CEP128: variants seen among roughly 807,000 people sequenced by gnomAD.
CEP128 encodes the protein centrosomal protein 128kDa.
CEP128 carries 132 observed loss-of-function variants against 156.7 expected under a neutral mutation model. That is an observed-to-expected ratio of 0.84 (90% confidence interval 0.73 to 0.97). The LOEUF is 0.97. Among genes scored for constraint, CEP128 ranks in the 50% least tolerant of loss-of-function variants. The probability of loss-of-function intolerance (pLI) is 0.00; values close to 1 mark genes in which losing one functional copy is unlikely to be tolerated. For missense variants in CEP128, 1,252 were observed against 1,281.9 expected, an observed-to-expected ratio of 0.98 and a Z score of 0.36; for synonymous variants, 469 against 448.9, an observed-to-expected ratio of 1.04 and a Z score of -0.57.
chr14:80,923,389 T>A (rs1004933130), intron 2 of CEP128, among the ~76,000 whole-genome samples: 1 of 152,230 alleles, frequency 6.6e-6, no homozygotes, highest in Non-Finnish European at 1.5e-5. Flanking sequence ...CCTCTTTTGT[T>A]ATTTGACCTA....
intron 8 of CEP128, chr14:80,894,827 C>T (rs985361821): frequency 2.0e-4 from 55 of 271,210 alleles, no homozygotes; most frequent in Non-Finnish European, 3.7e-4. Flanking sequence ...TCTCCTAGCA[C>T]ATTCAGCCAA....
chr14:80,806,693 C>G (rs1022016264), intron 13 of CEP128, among the ~76,000 whole-genome samples: 1 of 152,098 alleles, frequency 6.6e-6, no homozygotes, highest in Non-Finnish European at 1.5e-5. Context: ...TATACATTTG[C>G]TATGAAATGC....
At chr14:80,874,470 CAA>C (rs201809950) in intron 8 of CEP128, among the ~76,000 whole-genome samples, 1 of 129,198 alleles carries the variant, frequency 7.7e-6, no homozygotes. Context: ...TCTCTGTCTC[CAA>C]AAAAAAAAAG....
chr14:80,861,361 GAAT>G (rs1488077559), intron 9 of CEP128, among the ~76,000 whole-genome samples: 1 of 151,948 alleles, frequency 6.6e-6, no homozygotes, highest in African/African-American at 2.4e-5. Context: ...AATTTTAAGA[GAAT>G]AATTGTAACT....
intron 19 of CEP128, among the ~76,000 whole-genome samples, chr14:80,739,145 A>G (rs1230721133): frequency 6.6e-6 from 1 of 152,202 alleles, no homozygotes; most frequent in Non-Finnish European, 1.5e-5. Flanking sequence ...TTGAGCATAT[A>G]CAAGGGATAG....
chr14:80,743,541 A>G (rs1427300638), intron 18 of CEP128, among the ~76,000 whole-genome samples: 1 of 152,186 alleles, frequency 6.6e-6, no homozygotes, highest in Non-Finnish European at 1.5e-5. Flanking sequence ...TTTCAATAAT[A>G]TTATGGGTAA....
chr14:80,554,662 A>G (rs1017155055), intron 21 of CEP128, among the ~76,000 whole-genome samples: 1 of 152,036 alleles, frequency 6.6e-6, no homozygotes, highest in Admixed American at 6.6e-5. Context: ...ACACTTTGTT[A>G]TGTGGTTAAA....
chr14:80,487,760 C>A (rs1158604521), downstream of CEP128, among the ~76,000 whole-genome samples: 1 of 152,158 alleles, frequency 6.6e-6, no homozygotes, highest in Admixed American at 6.5e-5. Flanking sequence ...ACTGAACAAC[C>A]TGCTCCTGAA....
At chr14:80,486,402 C>G (rs553597717), downstream of CEP128, among the ~76,000 whole-genome samples, 12 of 152,032 alleles carry the variant, frequency 7.9e-5, no homozygotes, top group East Asian at 2.3e-3. Context: ...ATTGGTGTAC[C>G]TGAAAGTGAC....
intron 19 of CEP128, among the ~76,000 whole-genome samples, chr14:80,701,872 T>C (rs1024403356): frequency 3.3e-5 from 5 of 152,156 alleles, no homozygotes; most frequent in African/African-American, 9.7e-5. Flanking sequence ...GCCGGATACA[T>C]TGCAGCCACG....
downstream of CEP128, among the ~76,000 whole-genome samples, chr14:80,491,772 T>C (rs1326117340): frequency 2.0e-5 from 3 of 152,222 alleles, no homozygotes; most frequent in Non-Finnish European, 4.4e-5. Context: ...AATGTGACTT[T>C]ATAGTGAACA....
downstream of CEP128, among the ~76,000 whole-genome samples, chr14:80,488,608 G>A (rs1282436684): frequency 2.6e-5 from 4 of 151,856 alleles, no homozygotes; most frequent in Admixed American, 6.6e-5. Flanking sequence ...TAGAAATACG[G>A]TTTGACCCAG....
intron 6 of CEP128, among the ~76,000 whole-genome samples, chr14:80,902,396 T>C (rs1459978037): frequency 6.6e-6 from 1 of 152,158 alleles, no homozygotes; most frequent in Non-Finnish European, 1.5e-5. Context: ...ATCAAAAAAA[T>C]AACATAGTCA....
chr14:80,632,141 G>T (rs1893987193), intron 19 of CEP128, among the ~76,000 whole-genome samples: 1 of 151,952 alleles, frequency 6.6e-6, no homozygotes, highest in African/African-American at 2.4e-5. Flanking sequence ...AATTAACACA[G>T]AAGAGTCACA....
chr14:80,636,310 C>A (rs1488477547), intron 19 of CEP128, among the ~76,000 whole-genome samples: 3 of 152,194 alleles, frequency 2.0e-5, no homozygotes, highest in African/African-American at 7.2e-5. Context: ...AATTCATTCC[C>A]TGCGCTCACT....
At chr14:80,800,499 A>G (rs565187033) in intron 13 of CEP128, among the ~76,000 whole-genome samples, 9 of 152,308 alleles carry the variant, frequency 5.9e-5, no homozygotes, top group African/African-American at 2.2e-4. Flanking sequence ...AAAGGACTAA[A>G]CACAGGTCCC....
rs537482763 is a variant in CEP128 at position 80,751,847 on chromosome 14, T to C, written c.2613+5045A>G. On this transcript the variant is annotated intron_variant, in intron 18 of 24. Transcript: ENST00000555265. ...GGTTTCGTCATGTTGGTCAGGCTGGTCTCGAACTCCCAACCTCAGATGAAC... is the reference window on the plus strand; with the variant it reads ...GGTTTCGTCATGTTGGTCAGGCTGGCCTCGAACTCCCAACCTCAGATGAAC... 3.0e-3 allele frequency among the ~76,000 whole-genome samples: 450 copies of C among 152,250 alleles called. 5 individuals carry two copies. Among genetic ancestry groups the C allele is most frequent in the African/African-American group, 0.011 (439 of 41,544 alleles).
Position 80,689,278 on chromosome 14 carries a change from G to A in CEP128, c.2806+53797C>T, listed in dbSNP as rs140130780. Among the ~76,000 whole-genome samples the A allele has an allele frequency of 2.0e-3, 235 of 117,132 alleles. 3 individuals are homozygous for A. The highest frequency in any genetic ancestry group is 5.5e-3 in the African/African-American group (167 of 30,564). The allele number at this position is 117,132 out of a possible 152,430, so 76.8% of individuals were successfully genotyped here. ...TGAACTGCAGCCTGCATGACACAGC[G>A]AGACTCCGTCTCAAAAAAAAAAAAA... On this transcript the variant is annotated intron_variant, in intron 19 of 24. Transcript: ENST00000555265.
chr14:80,692,540 G>A (rs1027132084), intron 19 of CEP128, among the ~76,000 whole-genome samples: 1 of 152,120 alleles, frequency 6.6e-6, no homozygotes, highest in Non-Finnish European at 1.5e-5. Context: ...GTGGGGAACA[G>A]GTAAAATTAA....
Sources: allele counts gnomAD v4.1 joint callset (sites outside exome capture counted in the v4.1 genomes callset), GRCh38; gene constraint gnomAD v4.1.1; transcripts MANE v1.5; gene names NCBI Gene and HGNC (gene_info 2026-07-23, HGNC 2026-07-21).